Variants in CHSY3 observed in about 807,000 individuals in gnomAD.
CHSY3 encodes N-acetylgalactosaminyl-proteoglycan 3-beta-glucuronosyltransferase 3.
A neutral mutation model predicts 67.2 loss-of-function variants in CHSY3; 35 were observed. The observed-to-expected ratio is 0.52, with a 90% CI of 0.40 to 0.69. CHSY3 has a LOEUF of 0.69. Among genes scored for constraint, CHSY3 ranks in the 30% least tolerant of loss-of-function variants. The probability of loss-of-function intolerance (pLI) is 0.00; values close to 1 mark genes in which losing one functional copy is unlikely to be tolerated. For missense variants in CHSY3, 1,069 were observed against 1,138.5 expected (o/e 0.94, Z 0.88); for synonymous variants, 474 against 434.7 (o/e 1.09, Z -1.12).
At chr5:130,146,540 A>C (rs570322047) in intron 2 of CHSY3, among the ~76,000 whole-genome samples, 2 of 152,284 alleles carry the variant, frequency 1.3e-5, no homozygotes, top group Admixed American at 1.3e-4. Context: ...TCTATTATAC[A>C]GTAGAGTTAA....
intron 2 of CHSY3, among the ~76,000 whole-genome samples, chr5:130,062,499 A>T (rs1404167654): frequency 6.6e-6 from 1 of 152,132 alleles, no homozygotes; most frequent in African/African-American, 2.4e-5. Context: ...CTCTATCAGT[A>T]CGCAATATAC....
At chr5:130,070,249 T>C (rs980479412) in intron 2 of CHSY3, among the ~76,000 whole-genome samples, 1 of 152,138 alleles carries the variant, frequency 6.6e-6, no homozygotes, top group African/African-American at 2.4e-5. Flanking sequence ...TATTATTTCA[T>C]TTGGATTACT....
At chr5:130,031,670 A>G (rs1764707500) in intron 2 of CHSY3, among the ~76,000 whole-genome samples, 1 of 152,124 alleles carries the variant, frequency 6.6e-6, no homozygotes, top group Non-Finnish European at 1.5e-5. Flanking sequence ...GTTCCATGTA[A>G]TATTTGTAAG....
At chr5:130,142,263 A>C (rs895092565) in intron 2 of CHSY3, among the ~76,000 whole-genome samples, 3 of 152,226 alleles carry the variant, frequency 2.0e-5, no homozygotes, top group Admixed American at 6.5e-5. Flanking sequence ...GGGGATCTTC[A>C]GAGTACTTTG....
chr5:130,104,248 G>C (rs571700510), intron 2 of CHSY3, among the ~76,000 whole-genome samples: 1 of 151,856 alleles, frequency 6.6e-6, no homozygotes. Context: ...ATTTCTCAGA[G>C]GATTAAAATT....
intron 2 of CHSY3, chr5:130,140,084 G>T (rs570695881): frequency 1.6e-4 from 33 of 205,960 alleles, no homozygotes; most frequent in African/African-American, 7.6e-4. Context: ...ACTGTTGTGT[G>T]GGTATTTTCC....
intron 2 of CHSY3, among the ~76,000 whole-genome samples, chr5:130,035,782 T>TC: frequency 6.6e-6 from 1 of 151,666 alleles, no homozygotes; most frequent in East Asian, 1.9e-4. Context: ...TGCAGGTAAG[T>TC]CCTATGACAA....
chr5:130,159,161 C>CTT (rs33919002), intron 2 of CHSY3, among the ~76,000 whole-genome samples: 1,967 of 98,692 alleles, frequency 0.02, 60 homozygotes, highest in Non-Finnish European at 0.025. Flanking sequence ...TAAGATTTGT[C>CTT]TTTTTTTTTT....
intron 2 of CHSY3, among the ~76,000 whole-genome samples, chr5:129,933,371 T>C (rs1225409774): frequency 6.6e-6 from 1 of 152,180 alleles, no homozygotes; most frequent in African/African-American, 2.4e-5. Context: ...TTTCAATTCA[T>C]GTTTGTCCAA....
intron 2 of CHSY3, among the ~76,000 whole-genome samples, chr5:130,050,852 C>T (rs1333228989): frequency 6.6e-6 from 1 of 152,078 alleles, no homozygotes; most frequent in African/African-American, 2.4e-5. Flanking sequence ...ACACATGAAA[C>T]ACGTTTATTT....
chr5:130,185,925 A>T lies in CHSY3; in HGVS notation c.*134A>T. ...TATTTTGTTGTCCTGGTCTTAAACTACTCTTGGTTGTCTTCCTAAGGGTGT... is the reference window on the plus strand; with the variant it reads ...TATTTTGTTGTCCTGGTCTTAAACTTCTCTTGGTTGTCTTCCTAAGGGTGT... On this transcript the variant is annotated 3_prime_UTR_variant, in exon 3 of 3. Coordinates refer to ENST00000305031, the MANE Select transcript of CHSY3 (RefSeq NM_175856.5). The T allele has an allele frequency of 2.1e-6, 1 of 476,634 alleles. No individual in the cohort carries two copies. The highest frequency in any genetic ancestry group is 3.3e-6 in the Non-Finnish European group (1 of 303,136). The allele number at this position is 476,634 out of a possible 1,614,324, so 29.5% of individuals were successfully genotyped here. A position where few individuals can be genotyped will look rare whatever the true frequency, so the allele number is the denominator to read the frequency against.
chr5:130,045,991 T>C (rs1046373867), intron 2 of CHSY3, among the ~76,000 whole-genome samples: 3 of 152,098 alleles, frequency 2.0e-5, no homozygotes, highest in African/African-American at 7.2e-5. Context: ...GGCTTCAATC[T>C]ACTCTTCTGC....
In CHSY3 at chr5:130,009,904, A is replaced by G. The variant is rs116524797; in HGVS notation, c.1086+101544A>G. ...GAAGCACAAAGAGGGTTATTACATA[A>G]TGATAAAGGGTTCAATTCAAAAAGA... On this transcript the variant is annotated intron_variant, in intron 2 of 2. Transcript: ENST00000305031. Among the ~76,000 whole-genome samples, 409 of 152,334 alleles carry G rather than the reference A, an allele frequency of 2.7e-3. 2 individuals are homozygous for G. Among genetic ancestry groups the G allele is most frequent in the African/African-American group, 9.4e-3 (390 of 41,576 alleles).
At chr5:129,962,273 T>C (rs139577323) in intron 2 of CHSY3, among the ~76,000 whole-genome samples, 12 of 152,074 alleles carry the variant, frequency 7.9e-5, no homozygotes, top group African/African-American at 2.2e-4. Context: ...ACCAAGCCAA[T>C]TGAACAGAAA....
chr5:130,136,327 T>A (rs904052789), intron 2 of CHSY3, among the ~76,000 whole-genome samples: 1 of 152,188 alleles, frequency 6.6e-6, no homozygotes, highest in Non-Finnish European at 1.5e-5. Context: ...AAACTGTAAG[T>A]AGTTTGGTAA....
At chr5:129,923,171 A>T (rs1046015954) in intron 2 of CHSY3, among the ~76,000 whole-genome samples, 3 of 152,196 alleles carry the variant, frequency 2.0e-5, no homozygotes, top group Non-Finnish European at 4.4e-5. Context: ...GAATTTGCAG[A>T]ACTAGTGATT....
chr5:130,099,826 C>T (rs1767170094), intron 2 of CHSY3, among the ~76,000 whole-genome samples: 2 of 152,136 alleles, frequency 1.3e-5, no homozygotes, highest in Admixed American at 1.3e-4. Context: ...TCCCTTAAAG[C>T]CAACCTCTAC....
intron 2 of CHSY3, among the ~76,000 whole-genome samples, chr5:129,952,375 A>G (rs908124308): frequency 6.6e-6 from 1 of 152,186 alleles, no homozygotes; most frequent in African/African-American, 2.4e-5. Flanking sequence ...AAGGTCAAAT[A>G]TGCTTTTTAT....
intron 2 of CHSY3, among the ~76,000 whole-genome samples, chr5:130,085,475 T>C (rs959940858): frequency 2.0e-5 from 3 of 152,106 alleles, no homozygotes; most frequent in Non-Finnish European, 4.4e-5. Context: ...TCATTTTTTA[T>C]TGTGTCTATT....
Sources: allele counts gnomAD v4.1 joint callset (sites outside exome capture counted in the v4.1 genomes callset), GRCh38; gene constraint gnomAD v4.1.1; transcripts MANE v1.5; gene names NCBI Gene and HGNC (gene_info 2026-07-23, HGNC 2026-07-21).